Variants in RARB observed in about 807,000 individuals in gnomAD.
The protein encoded by RARB is HBV-activated protein.
RARB carries 17 observed loss-of-function variants against 51.9 expected under a neutral mutation model. The ratio of observed to expected loss-of-function variants is 0.33; its 90% confidence interval spans 0.22 to 0.49. The LOEUF is 0.49. Ranked by LOEUF, RARB falls within the 20% of genes least tolerant of loss-of-function variation. RARB has a pLI of 0.99. For synonymous variants in RARB, 215 were observed against 195.4 expected, an observed-to-expected ratio of 1.10 and a Z score of -0.84; for missense variants, 369 against 550.8, an observed-to-expected ratio of 0.67 and a Z score of 3.30.
chr3:25,531,502 T>C (rs1484486650), intron 3 of RARB, among the ~76,000 whole-genome samples: 1 of 152,090 alleles, frequency 6.6e-6, no homozygotes, highest in African/African-American at 2.4e-5. Context: ...ATTATTAAAG[T>C]CTTCTGGTAG....
chr3:24,846,637 C>T (rs767538369), intron 1 of RARB, among the ~76,000 whole-genome samples: 3 of 152,150 alleles, frequency 2.0e-5, no homozygotes, highest in Non-Finnish European at 4.4e-5. Context: ...AGTACACAGG[C>T]TGCTGGCACT....
At chr3:24,962,032 C>T (rs1402417348) in intron 2 of RARB, among the ~76,000 whole-genome samples, 1 of 142,528 alleles carries the variant, frequency 7.0e-6, no homozygotes, top group Admixed American at 7.7e-5. Flanking sequence ...CAGGTTCATG[C>T]CATTCTCCTT....
intron 2 of RARB, among the ~76,000 whole-genome samples, chr3:24,865,593 C>T (rs944929403): frequency 1.3e-5 from 2 of 152,124 alleles, no homozygotes; most frequent in African/African-American, 2.4e-5. Flanking sequence ...CCCTCTTCCA[C>T]CTCTCTGTCC....
intron 5 of RARB, among the ~76,000 whole-genome samples, chr3:25,283,936 T>G (rs553574793): frequency 6.6e-6 from 1 of 152,324 alleles, no homozygotes; most frequent in African/African-American, 2.4e-5. Flanking sequence ...ACACATGGAG[T>G]GGACCTAGTG....
chr3:25,507,830 C>A (rs979849315), intron 3 of RARB, among the ~76,000 whole-genome samples: 2 of 152,066 alleles, frequency 1.3e-5, no homozygotes, highest in African/African-American at 4.8e-5. Flanking sequence ...GAGTAGTATA[C>A]CCTGGATGCC....
At chr3:25,494,253 G>GCACACACACACACA (rs57081618) in intron 2 of RARB, among the ~76,000 whole-genome samples, 15,653 of 131,672 alleles carry the variant, frequency 0.12, 1,038 homozygotes, top group East Asian at 0.27. Flanking sequence ...TGTATCTTAC[G>GCACACACACACACA]CACACACACA....
chr3:25,325,764 A>C (rs1052561606), intron 5 of RARB, among the ~76,000 whole-genome samples: 2 of 145,710 alleles, frequency 1.4e-5, no homozygotes, highest in African/African-American at 2.5e-5. Flanking sequence ...AAGCAGGACC[A>C]GTAGGGTACC....
chr3:25,351,263 C>G (rs1575333549), intron 5 of RARB, among the ~76,000 whole-genome samples: 1 of 151,774 alleles, frequency 6.6e-6, no homozygotes, highest in Admixed American at 6.6e-5. Context: ...TTCTTTCTTT[C>G]TTTTCTTTTT....
intron 1 of RARB, among the ~76,000 whole-genome samples, chr3:24,838,351 C>A (rs1490564377): frequency 2.0e-5 from 3 of 152,112 alleles, no homozygotes; most frequent in African/African-American, 7.2e-5. Context: ...TGCAAAATTT[C>A]TTTTGCCATG....
intron 5 of RARB, among the ~76,000 whole-genome samples, chr3:25,388,625 A>C (rs1376235450): frequency 6.6e-6 from 1 of 152,246 alleles, no homozygotes; most frequent in African/African-American, 2.4e-5. Context: ...AGCAGAAAGA[A>C]ATGCTTAAAA....
chr3:24,952,215 A>AAAAC (rs754683989), intron 2 of RARB, among the ~76,000 whole-genome samples: 13 of 151,158 alleles, frequency 8.6e-5, no homozygotes, highest in African/African-American at 4.9e-5. Flanking sequence ...CTATTTAAAC[A>AAAAC]AAACAAACAA....
At chr3:25,466,582 G>C (rs1044233353) in intron 2 of RARB, among the ~76,000 whole-genome samples, 5 of 152,164 alleles carry the variant, frequency 3.3e-5, no homozygotes, top group Admixed American at 2.6e-4. Context: ...TGTTCTTGTA[G>C]TGTTCTTTCT....
intron 1 of RARB, among the ~76,000 whole-genome samples, chr3:24,854,061 T>G (rs1702600643): frequency 6.6e-6 from 1 of 152,190 alleles, no homozygotes; most frequent in African/African-American, 2.4e-5. Flanking sequence ...TGACAGCTGG[T>G]TGTAGGGTCG....
intron 2 of RARB, among the ~76,000 whole-genome samples, chr3:25,053,227 A>G (rs1039822890): frequency 6.6e-6 from 1 of 152,134 alleles, no homozygotes; most frequent in African/African-American, 2.4e-5. Flanking sequence ...GATGGTGGTA[A>G]TTAACTTTAT....
rs187097514 is a variant in RARB, at chr3:25,133,576, A to G, written c.-280+1368A>G. On this transcript the variant is annotated intron_variant, in intron 4 of 11. Transcript: ENST00000383772. Reference sequence around the variant, plus strand: ...ATAAATCCCAGGTGCTTATGCCTTAAGTTATCTCAAAAATGCATTCTAATA... The same window carrying G: ...ATAAATCCCAGGTGCTTATGCCTTAGGTTATCTCAAAAATGCATTCTAATA... Among the ~76,000 whole-genome samples, 5 of 152,156 alleles carry G rather than the reference A, an allele frequency of 3.3e-5. No homozygotes were observed. In the East Asian group the frequency reaches 9.7e-4, roughly 29 times the overall value.
chr3:24,981,830 C>T (rs1696681306), intron 2 of RARB, among the ~76,000 whole-genome samples: 1 of 152,206 alleles, frequency 6.6e-6, no homozygotes, highest in Non-Finnish European at 1.5e-5. Flanking sequence ...AACCAGGTAC[C>T]TCAGTTGGAA....
intron 5 of RARB, among the ~76,000 whole-genome samples, chr3:25,233,715 G>A (rs1196165639): frequency 6.6e-6 from 1 of 150,376 alleles, no homozygotes; most frequent in Non-Finnish European, 1.5e-5. Context: ...CCTTTATTTG[G>A]GTAAGAGAAT....
chr3:25,542,946 C>A (rs2043750917), intron 3 of RARB, among the ~76,000 whole-genome samples: 1 of 152,156 alleles, frequency 6.6e-6, no homozygotes, highest in African/African-American at 2.4e-5. Context: ...TAATCTGATT[C>A]CCAAGCCTGT....
At chr3:25,065,187 T>C (rs200746845) in intron 3 of RARB, among the ~76,000 whole-genome samples, 2 of 152,156 alleles carry the variant, frequency 1.3e-5, no homozygotes, top group Non-Finnish European at 2.9e-5. Flanking sequence ...AAAATTGTTA[T>C]TATTTTAGTT....
Sources: allele counts gnomAD v4.1 joint callset (sites outside exome capture counted in the v4.1 genomes callset), GRCh38; gene constraint gnomAD v4.1.1; transcripts MANE v1.5; gene names NCBI Gene and HGNC (gene_info 2026-07-23, HGNC 2026-07-21).